The following PIP4K2A variants were observed in gnomAD, a reference collection of about 807,000 sequenced individuals.
PIP4K2A encodes phosphatidylinositol-5-phosphate 4-kinase type 2 alpha.
Under a neutral mutation model 42.9 loss-of-function variants are expected in PIP4K2A, and 14 were observed. The observed-to-expected ratio is 0.33, with a 90% CI of 0.22 to 0.51. The LOEUF (loss-of-function observed/expected upper bound fraction) is 0.51, where lower values mean the gene tolerates loss of function less well. PIP4K2A is among the 20% of genes least tolerant of loss of function. The probability of loss-of-function intolerance (pLI) is 0.97; values close to 1 mark genes in which losing one functional copy is unlikely to be tolerated. For synonymous variants in PIP4K2A, 192 were observed against 192.2 expected, an observed-to-expected ratio of 1.00 and a Z score of 0.01; for missense variants, 434 against 519.8, an observed-to-expected ratio of 0.83 and a Z score of 1.61.
chr10:22,588,184 G>A (rs531109130), intron 4 of PIP4K2A, among the ~76,000 whole-genome samples: 10 of 152,222 alleles, frequency 6.6e-5, no homozygotes, highest in African/African-American at 2.2e-4. Context: ...ATTTGCTTTC[G>A]TTTAAATGTA....
At chr10:22,581,859 A>T (rs1411650209) in intron 4 of PIP4K2A, among the ~76,000 whole-genome samples, 1 of 151,816 alleles carries the variant, frequency 6.6e-6, no homozygotes, top group Non-Finnish European at 1.5e-5. Flanking sequence ...CATGCCTGTA[A>T]TCCCAGCACT....
intron 4 of PIP4K2A, among the ~76,000 whole-genome samples, chr10:22,578,092 T>C (rs1837165858): frequency 6.6e-6 from 1 of 152,244 alleles, no homozygotes; most frequent in Non-Finnish European, 1.5e-5. Flanking sequence ...AATAAAATGA[T>C]GCAAATGTGG....
chr10:22,679,255 T>C (rs1383902393), intron 1 of PIP4K2A, among the ~76,000 whole-genome samples: 3 of 152,130 alleles, frequency 2.0e-5, no homozygotes, highest in Non-Finnish European at 2.9e-5. Flanking sequence ...ATGGGCAAAA[T>C]ATCTGAATAG....
chr10:22,572,116 G>A (rs1169263117), intron 5 of PIP4K2A, among the ~76,000 whole-genome samples: 5 of 152,162 alleles, frequency 3.3e-5, no homozygotes, highest in Non-Finnish European at 7.3e-5. Flanking sequence ...GCGTGAAAGC[G>A]TTGAGACCAA....
At chr10:22,553,042 C>G (rs1456524434) in intron 6 of PIP4K2A, among the ~76,000 whole-genome samples, 1 of 152,116 alleles carries the variant, frequency 6.6e-6, no homozygotes, top group African/African-American at 2.4e-5. Context: ...CCTCATGTGA[C>G]AGGGAAAGTA....
At chr10:22,595,667 G>A (rs1046286473) in intron 3 of PIP4K2A, among the ~76,000 whole-genome samples, 1 of 152,068 alleles carries the variant, frequency 6.6e-6, no homozygotes, top group Non-Finnish European at 1.5e-5. Flanking sequence ...TGAGGCACGA[G>A]AATTGTTTGA....
intron 3 of PIP4K2A, 115 bp from the exon 4 acceptor site, chr10:22,591,896 T>G (rs1837522182): frequency 1.1e-6 from 1 of 895,140 alleles, no homozygotes. Flanking sequence ...AACATTTGTG[T>G]GTGGGATAAA....
chr10:22,595,785 A>G (rs775633959), intron 3 of PIP4K2A, among the ~76,000 whole-genome samples: 17 of 152,208 alleles, frequency 1.1e-4, no homozygotes, highest in Non-Finnish European at 2.4e-4. Flanking sequence ...AACATTCATC[A>G]GTTCTTGTAG....
At position 22,566,799 on chromosome 10, in the gene PIP4K2A, C is replaced by T. The variant is rs75472699; in HGVS notation, c.678+1052G>A. ...CTTCCTTGACCCTGCCCAGCCTGAG[C>T]CAGGCGCCCTTGCTATGTGCTCTAG... On this transcript the variant is annotated intron_variant, in intron 6 of 9. Transcript: ENST00000376573. Among the ~76,000 whole-genome samples, 811 of 152,304 alleles carry T rather than the reference C, an allele frequency of 5.3e-3. 4 individuals carry two copies. The highest frequency in any genetic ancestry group is 0.036 in the East Asian group (189 of 5,180).
intron 1 of PIP4K2A, among the ~76,000 whole-genome samples, chr10:22,664,232 C>CATATAT (rs1588694417): frequency 2.0e-5 from 2 of 98,250 alleles, no homozygotes; most frequent in African/African-American, 3.9e-5. Flanking sequence ...TATATATACA[C>CATATAT]ACACACACAC....
chr10:22,675,523 T>C (rs959183728), intron 1 of PIP4K2A, among the ~76,000 whole-genome samples: 3 of 151,720 alleles, frequency 2.0e-5, no homozygotes, highest in African/African-American at 7.3e-5. Context: ...GAGGTGGAGG[T>C]TGCAGTCAGT....
chr10:22,683,876 A>AC (rs1839711533), intron 1 of PIP4K2A, among the ~76,000 whole-genome samples: 1 of 137,704 alleles, frequency 7.3e-6, no homozygotes. Flanking sequence ...CACACACACA[A>AC]TTCAAAGTGT....
At position 22,560,369 on chromosome 10, in the gene PIP4K2A, C is replaced by T. The variant is rs1195722309; in HGVS notation, c.678+7482G>A. ...CCTGGCCACCTCACTTCAATGGCAG[C>T]CCAGATGACCAGATAGGGGTAGTAA... On this transcript the variant is annotated intron_variant, in intron 6 of 9. Coordinates refer to ENST00000376573, the MANE Select transcript of PIP4K2A (RefSeq NM_005028.5). 2.0e-5 allele frequency among the ~76,000 whole-genome samples: 3 copies of T among 152,078 alleles called. No homozygotes were observed. The East Asian group carries it at 5.8e-4, about 29-fold the overall frequency.
chr10:22,608,039 C>A lies in PIP4K2A; in HGVS notation c.243-16G>T. 6.5e-7 allele frequency: 1 copy of A among 1,539,096 alleles called. No individual in the cohort carries two copies. The highest frequency in any genetic ancestry group is 9.0e-7 in the Non-Finnish European group (1 of 1,113,324). Reference sequence around the variant, plus strand: ...CATGTTTTCTCTGAAACAGTCACAGCGTGGAATAAAGCTCAGAGAGAGTCA... The same window carrying A: ...CATGTTTTCTCTGAAACAGTCACAGAGTGGAATAAAGCTCAGAGAGAGTCA... On this transcript the variant is annotated splice_polypyrimidine_tract_variant and intron_variant, in intron 2 of 9. Coordinates refer to ENST00000376573, the MANE Select transcript of PIP4K2A (RefSeq NM_005028.5).
chr10:22,587,044 T>C (rs1837411337), intron 4 of PIP4K2A, among the ~76,000 whole-genome samples: 1 of 152,318 alleles, frequency 6.6e-6, no homozygotes, highest in South Asian at 2.1e-4. Flanking sequence ...GTCCTTGCTC[T>C]TGAACCACCT....
chr10:22,678,400 A>G (rs906438796), intron 1 of PIP4K2A, among the ~76,000 whole-genome samples: 1 of 152,146 alleles, frequency 6.6e-6, no homozygotes, highest in Admixed American at 6.5e-5. Context: ...TACAAGACTG[A>G]GAATGAACAC....
At position 22,541,952 on chromosome 10, in the gene PIP4K2A, G is replaced by A. The variant is rs756295000; in HGVS notation, c.888C>T (p.Asn296=). ...CGCTCTCGCCCTCCTCCTCCCCATC[G>A]TTCTCCTCACACTCCACTTCCTCCT... ...AEQEEVECEE[N]DGEEEGESDG... is the part of the protein sequence containing the mutation. Residue 296 remains asparagine, a synonymous_variant, in exon 8 of 10, where the codon AAC becomes AAT. Coordinates refer to ENST00000376573, the MANE Select transcript of PIP4K2A (RefSeq NM_005028.5). The A allele has an allele frequency of 5.6e-6, 9 of 1,613,684 alleles. No homozygotes were observed. Among genetic ancestry groups the A allele is most frequent in the Middle Eastern group, 1.6e-4 (1 of 6,080 alleles).
At chr10:22,638,847 GC>G (rs1306579501) in intron 1 of PIP4K2A, among the ~76,000 whole-genome samples, 2 of 152,100 alleles carry the variant, frequency 1.3e-5, no homozygotes, top group East Asian at 3.9e-4. Flanking sequence ...AAAGTATTAT[GC>G]CCGTGTAAGA....
rs142992927 is a variant in PIP4K2A at position 22,547,596 on chromosome 10, C to T, written c.792+3063G>A. Among the ~76,000 whole-genome samples the T allele has an allele frequency of 1.3e-3, 193 of 152,322 alleles. 2 individuals are homozygous for T. The East Asian group carries it at 0.036, about 28-fold the overall frequency. ...TCCCACCGCCCTATCCCCTCTCACC[C>T]ATCTCCATGGATGGGGGGCTATAAA... On this transcript the variant is annotated intron_variant, in intron 7 of 9. Coordinates refer to ENST00000376573, the MANE Select transcript of PIP4K2A (RefSeq NM_005028.5).
Sources: allele counts gnomAD v4.1 joint callset (sites outside exome capture counted in the v4.1 genomes callset), GRCh38; gene constraint gnomAD v4.1.1; transcripts MANE v1.5; gene names NCBI Gene and HGNC (gene_info 2026-07-23, HGNC 2026-07-21).